The following PALM3 variants were observed in gnomAD, a reference collection of about 807,000 sequenced individuals.
PALM3 encodes paralemmin-3.
In PALM3, 20 loss-of-function variants were observed where a neutral mutation model predicts 27.9. The ratio of observed to expected loss-of-function variants is 0.72; its 90% CI spans 0.50 to 1.04. PALM3 has a LOEUF of 1.04. Among genes scored for constraint, PALM3 ranks in the 50% least tolerant of loss-of-function variants. PALM3 has a pLI of 0.00. For missense variants in PALM3, 814 were observed against 869.4 expected (o/e 0.94, Z 0.80); for synonymous variants, 328 against 352.7 (o/e 0.93, Z 0.79).
At chr19:14,059,565 A>G (rs767188104) in intron 1 of PALM3, among the ~76,000 whole-genome samples, 4 of 152,158 alleles carry the variant, frequency 2.6e-5, no homozygotes, top group Non-Finnish European at 5.9e-5. Context: ...ATATAATTCC[A>G]TGATGAATAA....
Position 14,054,996 on chromosome 19 carries a change from C to G in PALM3, c.676G>C (p.Glu226Gln), listed in dbSNP as rs745631172. 10 of 1,548,538 alleles carry G rather than the reference C, an allele frequency of 6.5e-6. No homozygotes were observed. Among genetic ancestry groups the G allele is most frequent in the Admixed American group, 3.9e-5 (2 of 50,808 alleles). ...RAVPSEGRVG[E>Q]AKGGGVVSVV... ...CTCACCACGCCCCCTCCTTTGGCCT[C>G]ACCCACCCGCCCTTCGGATGGCACT... The change falls in exon 7 of 7, where the codon GAG becomes CAG. Residue 226 changes from glutamate to glutamine, a missense_variant. Coordinates refer to ENST00000669674, the MANE Select transcript of PALM3 (RefSeq NM_001145028.2).
At position 14,054,480 on chromosome 19, in the gene PALM3, TGGCCCCCTC is replaced by T; in HGVS notation, c.1183_1191del (p.Glu395_Ala397del). The T allele has an allele frequency of 6.4e-7, 1 of 1,551,490 alleles. No individual in the cohort carries two copies. Among genetic ancestry groups the T allele is most frequent in the Non-Finnish European group, 8.7e-7 (1 of 1,146,880 alleles). On this transcript the variant is annotated inframe_deletion, in exon 7 of 7. Coordinates refer to ENST00000669674, the MANE Select transcript of PALM3 (RefSeq NM_001145028.2). Reference sequence around the variant, plus strand: ...CAGGTCTCCTCGCCTCCTCCCGTCTTGGCCCCCTCGGCCCCCAGCGGGCTTTCATCTCCT... The same window carrying T: ...CAGGTCTCCTCGCCTCCTCCCGTCTTGGCCCCCAGCGGGCTTTCATCTCCT...
chr19:14,059,379 C>G (rs1976377900), intron 1 of PALM3, among the ~76,000 whole-genome samples: 2 of 151,992 alleles, frequency 1.3e-5, no homozygotes, highest in Non-Finnish European at 2.9e-5. Flanking sequence ...CTAAATCTGG[C>G]TTTGTCTCTC....
At position 14,053,929 on chromosome 19, in the gene PALM3, C is replaced by T. The variant is rs775050251; in HGVS notation, c.1743G>A (p.Thr581=). The part of the protein sequence containing the change: ...NEAGPPLEAN[T]ETRPEKEGPQ... ...GTCCTTCCTTCTCTGGCCTTGTCTC[C>T]GTGTTAGCCTCAAGGGGAGGCCCTG... The change falls in exon 7 of 7, where the codon ACG becomes ACA. Residue 581 remains threonine (T), a synonymous_variant. Transcript: ENST00000669674. 5.7e-5 allele frequency: 89 copies of T among 1,551,506 alleles called. 1 individual carries two copies. The Middle Eastern group carries it at 6.7e-4, about 12-fold the overall frequency.
At chr19:14,060,485 G>T (rs916116625) in intron 1 of PALM3, among the ~76,000 whole-genome samples, 24 of 152,014 alleles carry the variant, frequency 1.6e-4, no homozygotes, top group Non-Finnish European at 8.8e-5. Context: ...CGTAACACGT[G>T]CCAGGTGCAA....
In PALM3 at chr19:14,055,414, A is replaced by G. The variant is rs1976287754; in HGVS notation, c.411T>C (p.Pro137=). ...RPSWRRQGHR[P]LSQSIVEAGS... Reference sequence around the variant, plus strand: ...CTGCCTCGACAATGGACTGGGAGAGAGGACGGTGACCCTGCAGAGATGGCG... The same window carrying G: ...CTGCCTCGACAATGGACTGGGAGAGGGGACGGTGACCCTGCAGAGATGGCG... The change falls in exon 6 of 7, where the codon CCT becomes CCC. Residue 137 remains proline, a synonymous_variant. Transcript: ENST00000669674. 6.4e-7 allele frequency: 1 copy of G among 1,551,434 alleles called. No homozygotes were observed. The highest frequency in any genetic ancestry group is 8.7e-7 in the Non-Finnish European group (1 of 1,146,948).
In PALM3 at chr19:14,054,384, C is replaced by T; in HGVS notation, c.1288G>A (p.Asp430Asn). The change falls in exon 7 of 7, where the codon GAT (aspartate) becomes AAT (asparagine). Residue 430 changes from aspartate to asparagine, a missense_variant. By Grantham distance (23) the Asp-to-Asn change is conservative. Coordinates refer to ENST00000669674, the MANE Select transcript of PALM3 (RefSeq NM_001145028.2). Reference protein sequence around the residue: ...GSEEKPGTGRDEAEMSPVVER... With the variant: ...GSEEKPGTGRNEAEMSPVVER... ...ACCACTGGTGACATCTCCGCTTCAT[C>T]CCTCCCTGTCCCTGGCTTTTCCTCA... The T allele has an allele frequency of 6.4e-7, 1 of 1,552,066 alleles. No individual in the cohort carries two copies. The highest frequency in any genetic ancestry group is 8.7e-7 in the Non-Finnish European group (1 of 1,147,022).
chr19:14,053,940 C>T lies in PALM3; in HGVS notation c.1732G>A (p.Glu578Lys). The T allele has an allele frequency of 3.9e-6, 6 of 1,551,664 alleles. No homozygotes were observed. Among genetic ancestry groups the T allele is most frequent in the Non-Finnish European group, 5.2e-6 (6 of 1,146,946 alleles). Residue 578 changes from glutamate to lysine, a missense_variant, in exon 7 of 7, where the codon GAG (glutamate) becomes AAG (lysine). Coordinates refer to ENST00000669674, the MANE Select transcript of PALM3 (RefSeq NM_001145028.2). The stretch of plus-strand genomic sequence containing the variant: ...TCTGGCCTTGTCTCCGTGTTAGCCT[C>T]AAGGGGAGGCCCTGCCTCATTCATC... ...EEMNEAGPPL[E>K]ANTETRPEKE...
At chr19:14,058,124 A>T (rs1224022726) in intron 2 of PALM3, among the ~76,000 whole-genome samples, 4 of 151,704 alleles carry the variant, frequency 2.6e-5, no homozygotes, top group African/African-American at 9.7e-5. Context: ...AGAAAAAAGG[A>T]GGGGAGGGTG....
In PALM3 at chr19:14,054,138, G is replaced by A; in HGVS notation, c.1534C>T (p.Pro512Ser). The change falls in exon 7 of 7, where the codon CCA becomes TCA. Residue 512 changes from proline to serine, a missense_variant. Coordinates refer to ENST00000669674, the MANE Select transcript of PALM3 (RefSeq NM_001145028.2). ...TCCAGTGGTTCTTTGGTTGCCTCTG[G>A]CTCTTCCTCACCTCCTTTCTTCTCT... ...GVEKKGGEEE[P>S]EATKEPLEAE... 2 of 1,551,068 alleles carry A rather than the reference G, an allele frequency of 1.3e-6. No homozygotes were observed. The highest frequency in any genetic ancestry group is 8.7e-7 in the Non-Finnish European group (1 of 1,146,830).
At chr19:14,058,326 GAT>G (rs1976354116) in intron 2 of PALM3, among the ~76,000 whole-genome samples, 1 of 150,150 alleles carries the variant, frequency 6.7e-6, no homozygotes, top group South Asian at 2.1e-4. Flanking sequence ...AGTGCGAAGA[GAT>G]AGGGTACAGA....
intron 6 of PALM3, 27 bp downstream of exon 6, chr19:14,055,353 C>T (rs1222205519): frequency 2.6e-6 from 4 of 1,551,086 alleles, no homozygotes; most frequent in Non-Finnish European, 2.6e-6. Flanking sequence ...TGACCTGACC[C>T]CCAGACCTAG....
chr19:14,055,000 C>T lies in PALM3; in HGVS notation c.672G>A (p.Val224=), dbSNP rs534547978. The change falls in exon 7 of 7, where the codon GTG becomes GTA. Residue 224 remains valine (V), a synonymous_variant. Coordinates refer to ENST00000669674, the MANE Select transcript of PALM3 (RefSeq NM_001145028.2). ...SQRAVPSEGR[V]GEAKGGGVVS... ...CCACGCCCCCTCCTTTGGCCTCACCCACCCGCCCTTCGGATGGCACTGCCC... is the reference window on the plus strand; with the variant it reads ...CCACGCCCCCTCCTTTGGCCTCACCTACCCGCCCTTCGGATGGCACTGCCC... 595 of 1,548,688 alleles carry T rather than the reference C, an allele frequency of 3.8e-4. 2 individuals are homozygous for T. The South Asian group carries it at 5.9e-3, about 15-fold the overall frequency.
chr19:14,053,525 G>A lies in PALM3; in HGVS notation c.*80C>T. 7.1e-7 allele frequency: 1 copy of A among 1,401,456 alleles called. No homozygotes were observed. The highest frequency in any genetic ancestry group is 9.4e-7 in the Non-Finnish European group (1 of 1,068,756). 86.8% of individuals were successfully genotyped at this position (1,401,456 alleles called of 1,614,324 possible). A position where few individuals can be genotyped will look rare whatever the true frequency, so the allele number is the denominator to read the frequency against. ...ATGGCCAGTCCTGTGGTCCCTGTCTGTGCCTGGGACCCTCTTCTGGGTGCC... is the reference window on the plus strand; with the variant it reads ...ATGGCCAGTCCTGTGGTCCCTGTCTATGCCTGGGACCCTCTTCTGGGTGCC... On this transcript the variant is annotated 3_prime_UTR_variant, in exon 7 of 7. Transcript: ENST00000669674.
In PALM3 at chr19:14,057,462, G is replaced by A. The variant is rs747039086; in HGVS notation, c.91-31C>T. 1.3e-4 allele frequency: 197 copies of A among 1,490,448 alleles called. 1 individual carries two copies. Among genetic ancestry groups the A allele is most frequent in the South Asian group, 1.2e-3 (100 of 80,660 alleles). 92.3% of individuals were successfully genotyped at this position (1,490,448 alleles called of 1,614,324 possible). Reference sequence around the variant, plus strand: ...CACAGAGGACCCGGAGCTGCCCGCCGGCCGGGCGCGGCCTCCACCACCTCC... The same window carrying A: ...CACAGAGGACCCGGAGCTGCCCGCCAGCCGGGCGCGGCCTCCACCACCTCC... On this transcript the variant is annotated intron_variant, in intron 2 of 6. Coordinates refer to ENST00000669674, the MANE Select transcript of PALM3 (RefSeq NM_001145028.2).
At position 14,056,713 on chromosome 19, in the gene PALM3, G is replaced by A. The variant is rs765872033; in HGVS notation, c.263C>T (p.Pro88Leu). ...GATTCGGGCCTGAGCCTGGCCCTCG[G>A]GTGACTGGGGGTCCTTCGAGGTGGG... ...EDPTSKDPQS[P>L]EGQAQARIRN... Residue 88 changes from proline (P) to leucine (L), a missense_variant, in exon 4 of 7, where the codon CCC (proline) becomes CTC (leucine). Transcript: ENST00000669674. 32 of 1,551,626 alleles carry A rather than the reference G, an allele frequency of 2.1e-5. No homozygotes were observed. Among genetic ancestry groups the A allele is most frequent in the Non-Finnish European group, 2.6e-5 (30 of 1,146,996 alleles).
chr19:14,055,473 C>G (rs1976288929), intron 5 of PALM3, 48 bp from the exon 6 acceptor site: 1 of 1,544,954 alleles, frequency 6.5e-7, no homozygotes. Context: ...ATCCCCACCT[C>G]CAGCCTCCCT....
chr19:14,055,989 A>G (rs564334633), intron 5 of PALM3, among the ~76,000 whole-genome samples: 12 of 152,156 alleles, frequency 7.9e-5, no homozygotes, highest in Non-Finnish European at 1.6e-4. Context: ...GCTCACTGCA[A>G]CCTCTGTCTC....
Position 14,056,687 on chromosome 19 carries a change from G to C in PALM3, c.289C>G (p.Arg97Gly). 6.4e-7 allele frequency: 1 copy of C among 1,551,756 alleles called. No homozygotes were observed. The highest frequency in any genetic ancestry group is 8.7e-7 in the Non-Finnish European group (1 of 1,146,994). Residue 97 changes from arginine to glycine, a missense_variant, in exon 4 of 7, where the codon CGG (arginine) becomes GGG (glycine). By Grantham distance (125) the Arg-to-Gly change is moderately radical. Transcript: ENST00000669674. ...SPEGQAQARI[R>G]NLEDSLFTLQ... ...GTGAACAAACTGTCTTCCAGGTTCC[G>C]GATTCGGGCCTGAGCCTGGCCCTCG... is the stretch of plus-strand genomic sequence containing the variant.
Sources: allele counts gnomAD v4.1 joint callset (sites outside exome capture counted in the v4.1 genomes callset), GRCh38; gene constraint gnomAD v4.1.1; transcripts MANE v1.5; gene names NCBI Gene and HGNC (gene_info 2026-07-23, HGNC 2026-07-21).